ANK3: variants seen among roughly 807,000 people sequenced by gnomAD.
ANK3 encodes the protein ankyrin 3, also known as ankyrin-3.
Under a neutral mutation model 370.9 loss-of-function variants are expected in ANK3, and 57 were observed. The observed-to-expected ratio is 0.15, with a 90% confidence interval of 0.12 to 0.19. The LOEUF (loss-of-function observed/expected upper bound fraction) is 0.19. Among genes scored for constraint, ANK3 ranks in the 10% least tolerant of loss-of-function variants. ANK3 has a pLI of 1.00. For synonymous variants in ANK3, 1,929 were observed against 1,946.3 expected (o/e 0.99, Z 0.23); for missense variants, 4,439 against 5,302.1 (o/e 0.84, Z 5.06).
chr10:60,448,419 C>A (rs577184159), intron 2 of ANK3, among the ~76,000 whole-genome samples: 7 of 152,322 alleles, frequency 4.6e-5, no homozygotes, highest in African/African-American at 1.7e-4. Context: ...CAGACTGGAA[C>A]ATGTGAGAAC....
At chr10:60,525,884 TAAC>T (rs1177935105) in intron 2 of ANK3, among the ~76,000 whole-genome samples, 1 of 152,118 alleles carries the variant, frequency 6.6e-6, no homozygotes, top group Non-Finnish European at 1.5e-5. Flanking sequence ...GTGAAAGCTC[TAAC>T]ATTATTTGCA....
intron 2 of ANK3, among the ~76,000 whole-genome samples, chr10:60,446,014 A>G (rs2064436233): frequency 6.6e-6 from 1 of 152,196 alleles, no homozygotes; most frequent in South Asian, 2.1e-4. Flanking sequence ...CTGTTTGTTC[A>G]GAGGAGCAAA....
intron 1 of ANK3, among the ~76,000 whole-genome samples, chr10:60,724,340 C>A (rs2079912093): frequency 6.6e-6 from 1 of 151,628 alleles, no homozygotes; most frequent in Middle Eastern, 3.4e-3. Flanking sequence ...GTTTTTAGTC[C>A]CCTCTACTAC....
Position 60,263,976 on chromosome 10 carries a change from G to T in ANK3, c.558C>A (p.Asp186Glu). Residue 186 changes from aspartate to glutamate, a missense_variant, in exon 6 of 44, where the codon GAC (aspartate) becomes GAA (glutamate). Transcript: ENST00000280772. ...TCTCTAGCAGGAGCGAAACGACTTG[G>T]TCGTGACCTTGTTGCAAAGCCACTG... ...PLAVALQQGHDQVVSLLLEND... is the reference protein window; with the variant it reads ...PLAVALQQGHEQVVSLLLEND... 2 of 1,614,108 alleles carry T rather than the reference G, an allele frequency of 1.2e-6. No homozygotes were observed. Among genetic ancestry groups the T allele is most frequent in the Non-Finnish European group, 1.7e-6 (2 of 1,180,006 alleles).
intron 1 of ANK3, among the ~76,000 whole-genome samples, chr10:60,302,483 T>C (rs1271621757): frequency 1.3e-5 from 2 of 152,198 alleles, no homozygotes; most frequent in Non-Finnish European, 2.9e-5. Context: ...GGCACTATAT[T>C]AATTTCTTTA....
intron 2 of ANK3, among the ~76,000 whole-genome samples, chr10:60,566,498 C>G (rs1369225097): frequency 1.3e-5 from 2 of 152,158 alleles, no homozygotes; most frequent in East Asian, 3.8e-4. Flanking sequence ...ATGTGCTACT[C>G]TAGTGAACAC....
At chr10:60,455,902 T>A (rs528500717) in intron 2 of ANK3, among the ~76,000 whole-genome samples, 1 of 152,254 alleles carries the variant, frequency 6.6e-6, no homozygotes, top group South Asian at 2.1e-4. Context: ...ATGATATGGG[T>A]GAAGGTATGT....
chr10:60,123,649 C>G (rs2093614940), intron 25 of ANK3, among the ~76,000 whole-genome samples: 1 of 152,228 alleles, frequency 6.6e-6, no homozygotes, highest in Admixed American at 6.5e-5. Flanking sequence ...GCTCTACCAT[C>G]TATGGGTGAA....
At chr10:60,528,867 A>G (rs2076539506) in intron 2 of ANK3, among the ~76,000 whole-genome samples, 1 of 152,178 alleles carries the variant, frequency 6.6e-6, no homozygotes, top group African/African-American at 2.4e-5. Flanking sequence ...TATATTCAGT[A>G]CAGATGCTGA....
At chr10:60,617,966 C>T (rs1377621910) in intron 1 of ANK3, among the ~76,000 whole-genome samples, 1 of 152,134 alleles carries the variant, frequency 6.6e-6, no homozygotes, top group African/African-American at 2.4e-5. Flanking sequence ...TCTAGAGGCT[C>T]ATAATTGAGT....
chr10:60,522,730 A>T (rs949293171), intron 2 of ANK3, among the ~76,000 whole-genome samples: 2 of 152,114 alleles, frequency 1.3e-5, no homozygotes, highest in Non-Finnish European at 2.9e-5. Context: ...CTTTATAAGG[A>T]TGATATGAGT....
chr10:60,450,670 G>T (rs541271613), intron 2 of ANK3, among the ~76,000 whole-genome samples: 2 of 152,234 alleles, frequency 1.3e-5, no homozygotes, highest in East Asian at 3.9e-4. Flanking sequence ...TGCCTTAGAG[G>T]ATAAAACAGG....
rs758776590 is a variant in ANK3 at position 60,198,403 on chromosome 10, C to A, written c.1626G>T (p.Glu542Asp). 8 of 1,614,206 alleles carry A rather than the reference C, an allele frequency of 5.0e-6. No individual in the cohort carries two copies. The highest frequency in any genetic ancestry group is 6.8e-6 in the Non-Finnish European group (8 of 1,180,038). ...GGAACGCGGCCACATCCTCATGCCC[C>A]TCTCGGGCGGAAAGGTGAAGTGGGG... ...GYTPLHLSAREGHEDVAAFLL... is the reference protein window; with the variant it reads ...GYTPLHLSARDGHEDVAAFLL... Residue 542 changes from glutamate to aspartate, a missense_variant, in exon 14 of 44, where the codon GAG becomes GAT. By Grantham distance (45) the Glu-to-Asp change is conservative. Around this residue, in one of 13 missense-constraint regions of ANK3, gnomAD observed 227 missense variants for 377.6 expected, o/e 0.60. Coordinates refer to ENST00000280772, the MANE Select transcript of ANK3 (RefSeq NM_020987.5).
chr10:60,729,292 A>G (rs1332816464), intron 1 of ANK3, among the ~76,000 whole-genome samples: 1 of 152,226 alleles, frequency 6.6e-6, no homozygotes, highest in African/African-American at 2.4e-5. Context: ...AAGTGGGGAA[A>G]GAGAAGCCCT....
At chr10:60,308,214 A>G (rs2045581771) in intron 1 of ANK3, among the ~76,000 whole-genome samples, 2 of 152,040 alleles carry the variant, frequency 1.3e-5, no homozygotes, top group South Asian at 4.1e-4. Context: ...ATCAGCCAAG[A>G]TAACAGATAA....
chr10:60,634,162 C>A (rs1161429988), intron 1 of ANK3, among the ~76,000 whole-genome samples: 1 of 152,072 alleles, frequency 6.6e-6, no homozygotes, highest in Non-Finnish European at 1.5e-5. Flanking sequence ...AATGTAGAAT[C>A]CTTGAGATTA....
intron 25 of ANK3, among the ~76,000 whole-genome samples, chr10:60,128,887 G>A (rs369125765): frequency 7.9e-5 from 12 of 152,244 alleles, no homozygotes; most frequent in African/African-American, 2.6e-4. Flanking sequence ...TTTATGTAAT[G>A]AGCACTGTCT....
chr10:60,317,657 A>G (rs1223530882), intron 1 of ANK3, among the ~76,000 whole-genome samples: 1 of 152,052 alleles, frequency 6.6e-6, no homozygotes, highest in Non-Finnish European at 1.5e-5. Flanking sequence ...AAATAACATC[A>G]TCAGATATAT....
intron 23 of ANK3, among the ~76,000 whole-genome samples, chr10:60,163,090 C>T (rs12772441): frequency 6.6e-6 from 1 of 152,074 alleles, no homozygotes; most frequent in Non-Finnish European, 1.5e-5. Flanking sequence ...CTTTTTCTTT[C>T]TCTCCTTTCT....
Sources: gnomAD v4.1 joint callset for allele counts (sites outside exome capture counted in the v4.1 genomes callset) on GRCh38, gnomAD v4.1.1 for gene constraint, gnomAD v4.1.1 regional missense constraint, MANE v1.5 for transcripts, NCBI Gene and HGNC (gene_info 2026-07-23, HGNC 2026-07-21) for gene names.